Variants in INKA2 observed in about 807,000 individuals in gnomAD.
INKA2 encodes inka box actin regulator 2.
In INKA2, 3 loss-of-function variants were observed where a neutral mutation model predicts 9.8. That is an observed-to-expected ratio of 0.31 (90% confidence interval 0.14 to 0.79). The LOEUF is 0.79. INKA2 is among the 30% of genes least tolerant of loss of function. The probability of loss-of-function intolerance (pLI) is 0.62; values close to 1 mark genes in which losing one functional copy is unlikely to be tolerated. For missense variants in INKA2, 392 were observed against 384.4 expected (o/e 1.02, Z -0.17); for synonymous variants, 147 against 143.3 (o/e 1.03, Z -0.18).
At chr1:111,749,658 C>A (rs371346739) in intron 1 of INKA2, among the ~76,000 whole-genome samples, 5 of 152,268 alleles carry the variant, frequency 3.3e-5, no homozygotes, top group African/African-American at 1.2e-4. Flanking sequence ...GATAGAAATT[C>A]TTTTTCTTTT....
rs10610613 is a variant in INKA2, at chr1:111,725,729, G to GTT, written c.*1237_*1238dup. 1.3e-4 allele frequency: 22 copies of GTT among 175,348 alleles called. No individual in the cohort carries two copies. The highest frequency in any genetic ancestry group is 2.1e-3 in the Middle Eastern group (1 of 472). 10.9% of individuals were successfully genotyped at this position (175,348 alleles called of 1,614,324 possible). ...TGTGGGGTATGGGGCCCTACGAACT[G>GTT]TTTTTTTTTATTTTTTTTGAGACAG... On this transcript the variant is annotated 3_prime_UTR_variant, in exon 2 of 2. Transcript: ENST00000357260.
upstream of INKA2, among the ~76,000 whole-genome samples, chr1:111,742,495 G>C (rs1663171215): frequency 6.6e-6 from 1 of 152,212 alleles, no homozygotes; most frequent in Admixed American, 6.5e-5. Flanking sequence ...TGAGGCAGTA[G>C]AATCGCCTGA....
In INKA2 at chr1:111,727,823, G is replaced by A; in HGVS notation, c.58-19C>T. Reference sequence around the variant, plus strand: ...TGGACATCTGCAGGGGAGAGAGAAAGCATGGGGCCTATGAGCCACAGTGGG... The same window carrying A: ...TGGACATCTGCAGGGGAGAGAGAAAACATGGGGCCTATGAGCCACAGTGGG... On this transcript the variant is annotated intron_variant, in intron 1 of 1. Coordinates refer to ENST00000357260, the MANE Select transcript of INKA2 (RefSeq NM_019099.5). 1.3e-6 allele frequency: 2 copies of A among 1,599,512 alleles called. No homozygotes were observed. The highest frequency in any genetic ancestry group is 2.7e-5 in the African/African-American group (2 of 74,980).
chr1:111,736,457 C>T (rs2101372492), intron 1 of INKA2, among the ~76,000 whole-genome samples: 1 of 152,336 alleles, frequency 6.6e-6, no homozygotes, highest in South Asian at 2.1e-4. Context: ...GGGTAGGATG[C>T]AGGAGGGGAG....
intron 1 of INKA2, among the ~76,000 whole-genome samples, chr1:111,748,540 G>C (rs1254011301): frequency 1.3e-5 from 2 of 152,206 alleles, no homozygotes; most frequent in Admixed American, 6.5e-5. Context: ...TCTGTGCTCA[G>C]ACAGGTACTT....
intron 1 of INKA2, chr1:111,746,370 G>A (rs898527886): frequency 1.4e-4 from 21 of 152,232 alleles, no homozygotes; most frequent in African/African-American, 4.8e-4. Flanking sequence ...AACTGAACAC[G>A]CGAAGGAGTT....
chr1:111,749,931 C>T (rs1663362388), intron 1 of INKA2, among the ~76,000 whole-genome samples: 1 of 82,294 alleles, frequency 1.2e-5, no homozygotes. Context: ...ATTCCGTCTT[C>T]AGAGATGCCA....
Position 111,724,027 on chromosome 1 carries a change from A to G in INKA2, c.*2941T>C, listed in dbSNP as rs1662708925. The G allele has an allele frequency of 6.6e-6, 1 of 152,280 alleles. No individual in the cohort carries two copies. Among genetic ancestry groups the G allele is most frequent in the African/African-American group, 2.4e-5 (1 of 41,462 alleles). The allele number at this position is 152,280 out of a possible 1,614,324, so 9.4% of individuals were successfully genotyped here. A position where few individuals can be genotyped will look rare whatever the true frequency, so the allele number is the denominator to read the frequency against. On this transcript the variant is annotated 3_prime_UTR_variant, in exon 2 of 2. Transcript: ENST00000357260. ...TTCCACTACTGTGTGACCTTGGACA[A>G]GTTGCTTAACTTCTCTGAGCCTGTC...
chr1:111,739,179 C>G lies in INKA2; in HGVS notation c.57+7G>C, dbSNP rs772787784. On this transcript the variant is annotated splice_region_variant and intron_variant, in intron 1 of 1. Coordinates refer to ENST00000357260, the MANE Select transcript of INKA2 (RefSeq NM_019099.5). ...CCTCCCTGCCCCGGCGCCAGCTTCGCTCTTACCAGCTCCTGTTTGAGGCGA... is the reference window on the plus strand; with the variant it reads ...CCTCCCTGCCCCGGCGCCAGCTTCGGTCTTACCAGCTCCTGTTTGAGGCGA... The G allele has an allele frequency of 1.9e-6, 3 of 1,613,330 alleles. No homozygotes were observed. The highest frequency in any genetic ancestry group is 2.5e-6 in the Non-Finnish European group (3 of 1,179,624).
intron 1 of INKA2, among the ~76,000 whole-genome samples, chr1:111,728,433 G>T (rs562385477): frequency 6.6e-6 from 1 of 152,046 alleles, no homozygotes; most frequent in Admixed American, 6.6e-5. Context: ...CTTACGTAAC[G>T]TCACACAGGT....
In INKA2 at chr1:111,739,226, C is replaced by T. The variant is rs749901390; in HGVS notation, c.17G>A (p.Arg6Lys). 3.7e-6 allele frequency: 6 copies of T among 1,613,664 alleles called. No individual in the cohort carries two copies. The African/African-American group carries it at 6.7e-5, about 18-fold the overall frequency. Residue 6 changes from arginine to lysine, a missense_variant, in exon 1 of 2, where the codon AGG becomes AAG. Arg to Lys is a conservative substitution (Grantham distance 26). Transcript: ENST00000357260. ...GCGACGGAGATAGCAGTCCATTTCCCTGCTCTCCATCGTCATGCGCCCATT... is the reference window on the plus strand; with the variant it reads ...GCGACGGAGATAGCAGTCCATTTCCTTGCTCTCCATCGTCATGCGCCCATT... MTMES[R>K]EMDCYLRRLK...
Position 111,750,803 on chromosome 1 carries a change from C to T in INKA2, n.124+4898G>A, listed in dbSNP as rs541366322. Among the ~76,000 whole-genome samples, 588 of 152,332 alleles carry T rather than the reference C, an allele frequency of 3.9e-3. 4 individuals carry two copies. Among genetic ancestry groups the T allele is most frequent in the African/African-American group, 0.014 (572 of 41,574 alleles). On this transcript the variant is annotated intron_variant and non_coding_transcript_variant, in intron 1 of 1. Transcript: ENST00000444059. ...TTTCCAGCTGTATTTCTCTTTACTG[C>T]TAAATAACACTACCCCCCTTTGGAA...
intron 1 of INKA2, chr1:111,745,863 A>G (rs186860506): frequency 3.3e-5 from 5 of 152,200 alleles, no homozygotes; most frequent in African/African-American, 1.2e-4. Context: ...GGCCATCTCC[A>G]CTAGCTAGCT....
intron 1 of INKA2, among the ~76,000 whole-genome samples, chr1:111,735,805 T>C (rs1445757346): frequency 2.0e-5 from 3 of 152,192 alleles, no homozygotes; most frequent in Non-Finnish European, 4.4e-5. Flanking sequence ...CCCCCTGAAC[T>C]TGTGGCCACT....
intron 1 of INKA2, among the ~76,000 whole-genome samples, chr1:111,750,133 A>T (rs1008110913): frequency 1.3e-5 from 2 of 152,226 alleles, no homozygotes; most frequent in Non-Finnish European, 2.9e-5. Context: ...GTTAAATGGG[A>T]CAATTAATCA....
rs749942933 is a variant in INKA2 at position 111,724,592 on chromosome 1, CACACACA to C, written c.*2369_*2375del. ...ACACACACACACACACACACACACA[CACACACA>C]CCACCACTACCACCACCACCACCAC... is the stretch of plus-strand genomic sequence containing the variant. On this transcript the variant is annotated 3_prime_UTR_variant, in exon 2 of 2. Coordinates refer to ENST00000357260, the MANE Select transcript of INKA2 (RefSeq NM_019099.5). 1 of 152,276 alleles carries C rather than the reference CACACACA, an allele frequency of 6.6e-6. No homozygotes were observed. Among genetic ancestry groups the C allele is most frequent in the Non-Finnish European group, 1.5e-5 (1 of 68,416 alleles). The allele number at this position is 152,276 out of a possible 1,614,324, so 9.4% of individuals were successfully genotyped here.
chr1:111,744,167 G>C (rs1663208468), upstream of INKA2, among the ~76,000 whole-genome samples: 1 of 152,194 alleles, frequency 6.6e-6, no homozygotes, highest in Non-Finnish European at 1.5e-5. Flanking sequence ...TCTGACCCTT[G>C]TAATTCCAAT....
chr1:111,727,004 G>A lies in INKA2; in HGVS notation c.858C>T (p.Pro286=). The change falls in exon 2 of 2, where the codon CCC becomes CCT. Residue 286 remains proline (P), a synonymous_variant. Transcript: ENST00000357260. ...TSCPKALEHS[P]SGFDINTAVW... is the part of the protein sequence containing the mutation. ...CAGCTGTGTTAATATCAAATCCTGA[G>A]GGTGAGTGCTCCAGGGCCTTGGGGC... is the stretch of plus-strand genomic sequence containing the variant. The A allele has an allele frequency of 6.2e-7, 1 of 1,613,908 alleles. No individual in the cohort carries two copies.
intron 1 of INKA2, chr1:111,755,603 A>G: frequency 1.4e-6 from 2 of 1,390,962 alleles, no homozygotes; most frequent in African/African-American, 1.5e-5. Context: ...CGCCGGGGGC[A>G]CGGCTGGGCG....
Sources: allele counts gnomAD v4.1 joint callset (sites outside exome capture counted in the v4.1 genomes callset), GRCh38; gene constraint gnomAD v4.1.1; transcripts MANE v1.5; gene names NCBI Gene and HGNC (gene_info 2026-07-23, HGNC 2026-07-21).